Variants in ROR2 observed in about 807,000 individuals in gnomAD.
ROR2 encodes the protein tyrosine-protein kinase transmembrane receptor ROR2.
ROR2 carries 33 observed loss-of-function variants against 74.9 expected under a neutral mutation model. That is an observed-to-expected ratio of 0.44 (90% CI 0.33 to 0.59). The LOEUF (loss-of-function observed/expected upper bound fraction) is 0.59, where lower values mean the gene tolerates loss of function less well. Among genes scored for constraint, ROR2 ranks in the 20% least tolerant of loss-of-function variants. ROR2 has a pLI of 0.02. For synonymous variants in ROR2, 586 were observed against 558.7 expected (o/e 1.05, Z -0.69); for missense variants, 1,216 against 1,313.8 (o/e 0.93, Z 1.15).
At chr9:91,907,576 C>T (rs1196046626) in intron 1 of ROR2, among the ~76,000 whole-genome samples, 1 of 152,132 alleles carries the variant, frequency 6.6e-6, no homozygotes, top group Non-Finnish European at 1.5e-5. Context: ...ATTAAGTCAT[C>T]TTTCTGAGAA....
At chr9:91,921,961 A>G (rs1831277625) in intron 1 of ROR2, among the ~76,000 whole-genome samples, 1 of 151,976 alleles carries the variant, frequency 6.6e-6, no homozygotes, top group African/African-American at 2.4e-5. Context: ...TCCAAAAAAA[A>G]AAAATACACA....
At chr9:91,768,936 G>A (rs947501985) in intron 2 of ROR2, among the ~76,000 whole-genome samples, 4 of 152,176 alleles carry the variant, frequency 2.6e-5, no homozygotes, top group Admixed American at 6.5e-5. Context: ...AAGGTGCCTC[G>A]AACATGGCCT....
intron 2 of ROR2, among the ~76,000 whole-genome samples, chr9:91,766,289 G>A (rs1440390213): frequency 6.6e-6 from 1 of 152,156 alleles, no homozygotes; most frequent in East Asian, 1.9e-4. Context: ...AGGAAAATTG[G>A]GCTGTTCTCC....
intron 1 of ROR2, among the ~76,000 whole-genome samples, chr9:91,857,729 G>A (rs1564003122): frequency 6.6e-6 from 1 of 151,952 alleles, no homozygotes; most frequent in African/African-American, 2.4e-5. Context: ...CCTCCCCTCC[G>A]CCCCCTCCCC....
intron 1 of ROR2, chr9:91,948,471 A>T: frequency 1.5e-6 from 1 of 656,976 alleles, no homozygotes; most frequent in Non-Finnish European, 1.9e-6. Context: ...TGAGCGGTTT[A>T]TGCTTTAATG....
Position 91,760,559 on chromosome 9 carries a change from G to A in ROR2, c.176-3000C>T, listed in dbSNP as rs565263795. Among the ~76,000 whole-genome samples the A allele has an allele frequency of 1.6e-3, 243 of 151,906 alleles. 1 individual carries two copies. The highest frequency in any genetic ancestry group is 5.4e-3 in the African/African-American group (225 of 41,420). On this transcript the variant is annotated intron_variant, in intron 2 of 8. Transcript: ENST00000375708. ...TGAGGCAGGAGAATGGCGTGAACCCGGGAGGCGGAGCTTGCAGTGAGCCGA... is the reference window on the plus strand; with the variant it reads ...TGAGGCAGGAGAATGGCGTGAACCCAGGAGGCGGAGCTTGCAGTGAGCCGA...
chr9:91,731,099 T>G lies in ROR2; in HGVS notation c.994A>C (p.Lys332Gln), dbSNP rs767700575. The part of the protein sequence containing the change: ...MDYRGTASTT[K>Q]SGHQCQPWAL... ...CACGGCTGGCACTGGTGGCCTGACTTGGTGGTGCTTGCCGTTCCTCTGTAA... is the reference window on the plus strand; with the variant it reads ...CACGGCTGGCACTGGTGGCCTGACTGGGTGGTGCTTGCCGTTCCTCTGTAA... The change falls in exon 7 of 9, where the codon AAG becomes CAG. Residue 332 changes from lysine to glutamine, a missense_variant. By Grantham distance (53) the Lys-to-Gln change is moderately conservative. Transcript: ENST00000375708. 29 of 1,613,938 alleles carry G rather than the reference T, an allele frequency of 1.8e-5. No homozygotes were observed. The highest frequency in any genetic ancestry group is 1.1e-5 in the Non-Finnish European group (13 of 1,180,026).
chr9:91,949,841 G>C (rs1289315830), intron 1 of ROR2, 26 bp downstream of exon 1: 1 of 1,423,820 alleles, frequency 7.0e-7, no homozygotes, highest in East Asian at 2.5e-5. Context: ...TACCGTCTGC[G>C]CACAAGCCGG....
chr9:91,943,448 C>G (rs1307270463), intron 1 of ROR2, among the ~76,000 whole-genome samples: 1 of 152,054 alleles, frequency 6.6e-6, no homozygotes, highest in East Asian at 1.9e-4. Flanking sequence ...CCAATTCAAC[C>G]CCTCCAGATT....
intron 1 of ROR2, among the ~76,000 whole-genome samples, chr9:91,839,322 A>T (rs532511257): frequency 1.5e-3 from 199 of 128,628 alleles, no homozygotes; most frequent in Non-Finnish European, 2.5e-3. Flanking sequence ...GCCTGTGTGT[A>T]TATGTGTGGT....
At chr9:91,846,747 C>T (rs910874450) in intron 1 of ROR2, among the ~76,000 whole-genome samples, 11 of 152,004 alleles carry the variant, frequency 7.2e-5, no homozygotes, top group Admixed American at 1.3e-4. Context: ...ACCTCATTTG[C>T]GGTGGTCCCT....
At chr9:91,853,604 G>T (rs1248577769) in intron 1 of ROR2, among the ~76,000 whole-genome samples, 4 of 152,124 alleles carry the variant, frequency 2.6e-5, no homozygotes, top group Admixed American at 2.6e-4. Flanking sequence ...CCTATGACAG[G>T]CAGTGCTCCT....
intron 1 of ROR2, among the ~76,000 whole-genome samples, chr9:91,799,040 CTG>C (rs931600896): frequency 2.6e-5 from 4 of 152,202 alleles, no homozygotes; most frequent in Non-Finnish European, 5.9e-5. Context: ...CCCACCCACT[CTG>C]TCTCACACAT....
chr9:91,836,500 A>C (rs1211018627), intron 1 of ROR2, among the ~76,000 whole-genome samples: 17 of 150,524 alleles, frequency 1.1e-4, no homozygotes, highest in African/African-American at 4.0e-4. Context: ...AGATCGCACC[A>C]CTGCACTCCA....
chr9:91,809,370 C>A (rs966414731), intron 1 of ROR2, among the ~76,000 whole-genome samples: 1 of 152,258 alleles, frequency 6.6e-6, no homozygotes, highest in African/African-American at 2.4e-5. Context: ...GTGAACCCAC[C>A]AGGAACAGTG....
chr9:91,940,658 G>A (rs963354909), intron 1 of ROR2, among the ~76,000 whole-genome samples: 15 of 149,214 alleles, frequency 1.0e-4, no homozygotes, highest in Admixed American at 3.4e-4. Context: ...GCAGTGGCTC[G>A]ATCTCCGCTC....
intron 1 of ROR2, among the ~76,000 whole-genome samples, chr9:91,815,756 G>A (rs1827908038): frequency 1.3e-5 from 2 of 152,188 alleles, no homozygotes; most frequent in African/African-American, 4.8e-5. Context: ...GCAATGCAGG[G>A]TACGGTCCCA....
chr9:91,870,082 C>T (rs1829751950), intron 1 of ROR2, among the ~76,000 whole-genome samples: 1 of 152,088 alleles, frequency 6.6e-6, no homozygotes, highest in Non-Finnish European at 1.5e-5. Flanking sequence ...ATTATATGTC[C>T]ACAAGTTTTA....
At chr9:91,912,316 CCTA>C (rs1171370148) in intron 1 of ROR2, among the ~76,000 whole-genome samples, 47 of 152,122 alleles carry the variant, frequency 3.1e-4, no homozygotes, top group Non-Finnish European at 5.9e-5. Context: ...CCTAAAATTT[CCTA>C]CTTATTAGTA....
Sources: gnomAD v4.1 joint callset for allele counts (sites outside exome capture counted in the v4.1 genomes callset) on GRCh38, gnomAD v4.1.1 for gene constraint, MANE v1.5 for transcripts, NCBI Gene and HGNC (gene_info 2026-07-23, HGNC 2026-07-21) for gene names.